TMEM145: variants seen among roughly 807,000 people sequenced by gnomAD.
The protein encoded by TMEM145 is transmembrane protein 145.
TMEM145 carries 46 observed loss-of-function variants against 68.5 expected under a neutral mutation model. That is an observed-to-expected ratio of 0.67 (90% CI 0.53 to 0.86). The LOEUF (loss-of-function observed/expected upper bound fraction) is 0.86. Ranked by LOEUF, TMEM145 falls within the 40% of genes least tolerant of loss-of-function variation. The pLI is 0.00. For synonymous variants in TMEM145, 255 were observed against 280.2 expected, an observed-to-expected ratio of 0.91 and a Z score of 0.90; for missense variants, 570 against 645.8, an observed-to-expected ratio of 0.88 and a Z score of 1.27.
In TMEM145 at chr19:42,315,217, C is replaced by A. The variant is rs202212359; in HGVS notation, c.535C>A (p.Leu179Ile). ...CCTGGAGACAGATGTGACCTTCCTC[C>A]TCATCTTCATCCTCATCTTCTTCCT... ...GILETDVTFL[L>I]IFILIFFLSC... The change falls in exon 7 of 15, where the codon CTC (leucine) becomes ATC (isoleucine). Residue 179 changes from leucine (L) to isoleucine (I), a missense_variant. Coordinates refer to ENST00000301204, the MANE Select transcript of TMEM145 (RefSeq NM_173633.3). The A allele has an allele frequency of 6.2e-7, 1 of 1,607,918 alleles. No homozygotes were observed. Among genetic ancestry groups the A allele is most frequent in the Non-Finnish European group, 8.5e-7 (1 of 1,175,904 alleles).
chr19:42,313,365 G>A lies in TMEM145; in HGVS notation c.-12G>A, dbSNP rs2038821021. On this transcript the variant is annotated 5_prime_UTR_variant, in exon 1 of 15. Coordinates refer to ENST00000301204, the MANE Select transcript of TMEM145 (RefSeq NM_173633.3). This position sits in a 1 kb window ranked among gnomAD's most constrained non-coding sequence, Gnocchi z 5.1. ...CGGGAGCCGGAGCGGAGCCGGGGCC[G>A]GAGCGGGCGGAATGGAGCCCCTGCG... is the stretch of plus-strand genomic sequence containing the variant. 2 of 1,090,476 alleles carry A rather than the reference G, an allele frequency of 1.8e-6. No individual in the cohort carries two copies. Among genetic ancestry groups the A allele is most frequent in the East Asian group, 3.3e-5 (1 of 30,288 alleles). The allele number at this position is 1,090,476 out of a possible 1,614,324, so 67.6% of individuals were successfully genotyped here.
Position 42,315,231 on chromosome 19 carries a change from C to T in TMEM145, c.549C>T (p.Leu183=), listed in dbSNP as rs777903065. The T allele has an allele frequency of 1.3e-5, 21 of 1,607,242 alleles. No individual in the cohort carries two copies. The highest frequency in any genetic ancestry group is 1.5e-5 in the Non-Finnish European group (18 of 1,175,518). ...TDVTFLLIFI[L]IFFLSCYFGY... The stretch of plus-strand genomic sequence containing the variant: ...TGACCTTCCTCCTCATCTTCATCCT[C>T]ATCTTCTTCCTCTCTTGTTACTTTG... Residue 183 remains leucine, a synonymous_variant, in exon 7 of 15, where the codon CTC becomes CTT. Coordinates refer to ENST00000301204, the MANE Select transcript of TMEM145 (RefSeq NM_173633.3).
intron 14 of TMEM145, 130 bp from the exon 15 acceptor site, chr19:42,324,607 A>G (rs1391567534): frequency 7.6e-7 from 1 of 1,312,052 alleles, no homozygotes; most frequent in Non-Finnish European, 9.7e-7. Context: ...CCGGCCCGAG[A>G]GCTCGCCCAT....
chr19:42,314,431 C>T lies in TMEM145; in HGVS notation c.196-20C>T. ...CACAGGCTGCCCCAGCTCCCGGTCC[C>T]CAACATCTCTGGTCTGCAGGCCAAG... is the stretch of plus-strand genomic sequence containing the variant. On this transcript the variant is annotated intron_variant, in intron 2 of 14. Coordinates refer to ENST00000301204, the MANE Select transcript of TMEM145 (RefSeq NM_173633.3). The T allele has an allele frequency of 6.2e-7, 1 of 1,614,164 alleles. No individual in the cohort carries two copies. The highest frequency in any genetic ancestry group is 8.5e-7 in the Non-Finnish European group (1 of 1,180,022).
chr19:42,316,977 G>T lies in TMEM145; in HGVS notation c.900+14G>T. ...TACGAGGCGGAAGTGAGTCCGACTG[G>T]CCCCTGGCCGGGCCCTGCCTTCCCC... On this transcript the variant is annotated intron_variant, in intron 11 of 14. Coordinates refer to ENST00000301204, the MANE Select transcript of TMEM145 (RefSeq NM_173633.3). The T allele has an allele frequency of 3.1e-6, 5 of 1,610,004 alleles. No individual in the cohort carries two copies. The Admixed American group carries it at 6.7e-5, about 22-fold the overall frequency.
rs143263887 is a variant in TMEM145 at position 42,323,775 on chromosome 19, C to T, written c.1387C>T (p.Pro463Ser). The T allele has an allele frequency of 2.5e-6, 4 of 1,613,980 alleles. No individual in the cohort carries two copies. The highest frequency in any genetic ancestry group is 1.7e-5 in the Admixed American group (1 of 60,032). ...CTTCACGGAGCTCTTCTCCATCCCC[C>T]CGCCCGCCACCTCCGTAAGCCCCGC... ...PNFTELFSIPPPATSPLPRAA... is the reference protein window; with the variant it reads ...PNFTELFSIPSPATSPLPRAA... Residue 463 changes from proline (P) to serine (S), a missense_variant, in exon 14 of 15, where the codon CCG becomes TCG. Pro to Ser is a moderately conservative substitution (Grantham distance 74). Transcript: ENST00000301204.
intron 2 of TMEM145, 33 bp downstream of exon 2, chr19:42,314,379 C>G: frequency 6.2e-7 from 1 of 1,614,034 alleles, no homozygotes; most frequent in Non-Finnish European, 8.5e-7. Flanking sequence ...CATGCTGAGG[C>G]TGGGTACTTC....
chr19:42,316,608 T>A, intron 9 of TMEM145, 47 bp downstream of exon 9: 1 of 1,613,110 alleles, frequency 6.2e-7, no homozygotes, highest in Non-Finnish European at 8.5e-7. Flanking sequence ...AGGGCTCAGG[T>A]TGGGCATCAG....
intron 12 of TMEM145, among the ~76,000 whole-genome samples, chr19:42,318,193 C>G (rs1217797587): frequency 6.6e-6 from 1 of 151,606 alleles, no homozygotes; most frequent in African/African-American, 2.4e-5. Context: ...TGGTGAAACC[C>G]CGTCTCTACT....
intron 12 of TMEM145, among the ~76,000 whole-genome samples, chr19:42,318,417 G>A (rs537299577): frequency 6.6e-6 from 1 of 151,004 alleles, no homozygotes; most frequent in South Asian, 2.1e-4. Flanking sequence ...CGGGCGTGGT[G>A]GCTCACACCT....
chr19:42,321,998 C>G (rs997102976), intron 13 of TMEM145, among the ~76,000 whole-genome samples: 1 of 152,208 alleles, frequency 6.6e-6, no homozygotes, highest in African/African-American at 2.4e-5. Flanking sequence ...TGAACCCTAT[C>G]CTTCTCCAGC....
intron 12 of TMEM145, among the ~76,000 whole-genome samples, chr19:42,319,326 CTG>C (rs1211620168): frequency 6.6e-6 from 1 of 152,186 alleles, no homozygotes; most frequent in Non-Finnish European, 1.5e-5. Flanking sequence ...CATAGAGTCA[CTG>C]TGAGAGTTAA....
chr19:42,314,539 T>A lies in TMEM145; in HGVS notation c.273+11T>A. 1.9e-6 allele frequency: 3 copies of A among 1,614,052 alleles called. No individual in the cohort carries two copies. The highest frequency in any genetic ancestry group is 2.5e-6 in the Non-Finnish European group (3 of 1,179,986). ...AAGGCAGGGGACAAGGTGAGGGCTG[T>A]GAAGAGGGCATAGGGGGAGAGGGGA... On this transcript the variant is annotated intron_variant, in intron 3 of 14. Coordinates refer to ENST00000301204, the MANE Select transcript of TMEM145 (RefSeq NM_173633.3).
At position 42,314,468 on chromosome 19, in the gene TMEM145, C is replaced by T. The variant is rs1462065416; in HGVS notation, c.213C>T (p.Asn71=). Residue 71 remains asparagine, a synonymous_variant, in exon 3 of 15, where the codon AAC becomes AAT. Coordinates refer to ENST00000301204, the MANE Select transcript of TMEM145 (RefSeq NM_173633.3). ...GTCTGCAGGCCAAGTGCTGTCAGAA[C>T]ATCCTCCTCTATTTTGATGACCCAT... ...FRYPEAKCCQ[N]ILLYFDDPSQ... is the part of the protein sequence containing the mutation. The T allele has an allele frequency of 5.6e-6, 9 of 1,614,194 alleles. No individual in the cohort carries two copies. The highest frequency in any genetic ancestry group is 7.6e-6 in the Non-Finnish European group (9 of 1,180,024).
chr19:42,324,027 C>T (rs2038940458), intron 14 of TMEM145, among the ~76,000 whole-genome samples: 1 of 152,006 alleles, frequency 6.6e-6, no homozygotes, highest in Admixed American at 6.6e-5. Context: ...CGCCGTGCCC[C>T]CACCGCCCGC....
chr19:42,315,149 C>A, intron 6 of TMEM145, 39 bp from the exon 7 acceptor site: 1 of 1,614,096 alleles, frequency 6.2e-7, no homozygotes, highest in Non-Finnish European at 8.5e-7. Context: ...GAGGGGACAT[C>A]CACCTGAATG....
chr19:42,323,862 C>A, intron 14 of TMEM145, 73 bp downstream of exon 14: 1 of 1,360,456 alleles, frequency 7.4e-7, no homozygotes, highest in Non-Finnish European at 1.0e-6. Flanking sequence ...GCTCCCGGCC[C>A]CGCCGCCGCC....
chr19:42,317,651 G>T, intron 11 of TMEM145, 58 bp from the exon 12 acceptor site: 1 of 1,588,086 alleles, frequency 6.3e-7, no homozygotes, highest in Non-Finnish European at 8.6e-7. Flanking sequence ...GTGGGGTCCG[G>T]GGACCCTAAT....
Position 42,313,347 on chromosome 19 carries a change from C to G in TMEM145, c.-30C>G. ...TCCATTGCCGGGCCAGTGCGGGAGCCGGAGCGGAGCCGGGGCCGGAGCGGG... is the reference window on the plus strand; with the variant it reads ...TCCATTGCCGGGCCAGTGCGGGAGCGGGAGCGGAGCCGGGGCCGGAGCGGG... On this transcript the variant is annotated 5_prime_UTR_variant, in exon 1 of 15. Transcript: ENST00000301204. The surrounding 1 kb of genome is among the most constrained non-coding windows in gnomAD (Gnocchi z 5.1). 1.1e-6 allele frequency: 1 copy of G among 932,042 alleles called. No individual in the cohort carries two copies. 57.7% of individuals were successfully genotyped at this position (932,042 alleles called of 1,614,324 possible).
Sources: allele counts gnomAD v4.1 joint callset (sites outside exome capture counted in the v4.1 genomes callset), GRCh38; gene constraint gnomAD v4.1.1; non-coding constraint Gnocchi (gnomAD v3.1); transcripts MANE v1.5; gene names NCBI Gene and HGNC (gene_info 2026-07-23, HGNC 2026-07-21).